The following PCDHA12 variants were observed in gnomAD, a reference collection of about 807,000 sequenced individuals.
PCDHA12 encodes protocadherin alpha-12.
In PCDHA12, 44 loss-of-function variants were observed where a neutral mutation model predicts 60.0. The ratio of observed to expected loss-of-function variants is 0.73; its 90% CI spans 0.58 to 0.94. The LOEUF (loss-of-function observed/expected upper bound fraction) is 0.94. PCDHA12 is among the 40% of genes least tolerant of loss of function. The pLI is 0.00. For missense variants in PCDHA12, 1,276 were observed against 1,239.7 expected (o/e 1.03, Z -0.44); for synonymous variants, 569 against 553.0 (o/e 1.03, Z -0.40).
At chr5:140,879,190 C>T (rs2057894732) in intron 1 of PCDHA12, among the ~76,000 whole-genome samples, 1 of 152,052 alleles carries the variant, frequency 6.6e-6, no homozygotes. Context: ...GTAATGGAGA[C>T]TTAAATTATG....
chr5:140,917,741 C>G (rs2078335946), intron 1 of PCDHA12, among the ~76,000 whole-genome samples: 1 of 152,048 alleles, frequency 6.6e-6, no homozygotes, highest in Non-Finnish European at 1.5e-5. Flanking sequence ...CTAACCTGTC[C>G]CATTGGTCTA....
Position 140,893,497 on chromosome 5 carries a change from GA to G in PCDHA12, c.2367+15667del, listed in dbSNP as rs1157700367. Among the ~76,000 whole-genome samples the G allele has an allele frequency of 3.1e-4, 47 of 150,168 alleles. No individual in the cohort carries two copies. The Middle Eastern group carries it at 0.01, about 33-fold the overall frequency. ...GCAAGACCCTGTTCTTCACAAAAAAGAAAAAAAAAGCAGTTGTAGAACTCCT... is the reference window on the plus strand; with the variant it reads ...GCAAGACCCTGTTCTTCACAAAAAAGAAAAAAAAGCAGTTGTAGAACTCCT... On this transcript the variant is annotated intron_variant, in intron 1 of 3. Transcript: ENST00000398631.
At chr5:140,937,302 G>T (rs1554211521) in intron 1 of PCDHA12, among the ~76,000 whole-genome samples, 4 of 152,094 alleles carry the variant, frequency 2.6e-5, no homozygotes, top group African/African-American at 9.7e-5. Flanking sequence ...CTCCCAAAGT[G>T]CTGGGATTAC....
chr5:140,908,967 G>A (rs1039870615), intron 1 of PCDHA12, among the ~76,000 whole-genome samples: 10 of 152,076 alleles, frequency 6.6e-5, no homozygotes, highest in African/African-American at 2.4e-4. Context: ...ATCTTGATAG[G>A]CCCCACTCCA....
At chr5:140,904,642 C>G (rs1257685945) in intron 1 of PCDHA12, among the ~76,000 whole-genome samples, 2 of 152,132 alleles carry the variant, frequency 1.3e-5, no homozygotes, top group Non-Finnish European at 2.9e-5. Context: ...AATCTCCACA[C>G]TGTTTTCCAT....
chr5:140,953,075 A>G (rs1208986278), intron 1 of PCDHA12, among the ~76,000 whole-genome samples: 4 of 152,190 alleles, frequency 2.6e-5, no homozygotes, highest in Admixed American at 2.6e-4. Context: ...CATCTCCAAC[A>G]TTGGGGATTA....
chr5:140,908,430 C>T (rs543426512), intron 1 of PCDHA12, among the ~76,000 whole-genome samples: 56 of 152,262 alleles, frequency 3.7e-4, no homozygotes, highest in Admixed American at 7.2e-4. Flanking sequence ...TGCTGCTGTG[C>T]GCACCCCACT....
At chr5:140,918,940 A>C (rs541337613) in intron 1 of PCDHA12, among the ~76,000 whole-genome samples, 51 of 152,328 alleles carry the variant, frequency 3.3e-4, no homozygotes, top group African/African-American at 1.2e-3. Flanking sequence ...TTTTGTTATA[A>C]TATCCTGAAC....
At chr5:140,938,204 C>T (rs2091973590) in intron 1 of PCDHA12, among the ~76,000 whole-genome samples, 1 of 152,136 alleles carries the variant, frequency 6.6e-6, no homozygotes, top group East Asian at 1.9e-4. Flanking sequence ...CGCCAGCCTC[C>T]CAAAGTGCTG....
Position 140,882,813 on chromosome 5 carries a change from C to A in PCDHA12, c.2367+4974C>A, listed in dbSNP as rs782169035. 2 of 1,614,058 alleles carry A rather than the reference C, an allele frequency of 1.2e-6. No individual in the cohort carries two copies. The highest frequency in any genetic ancestry group is 3.3e-5 in the Admixed American group (2 of 60,002). On this transcript the variant is annotated intron_variant, in intron 1 of 3. Transcript: ENST00000398631. ...CCCAACGATTATTTCACTTTGGACG[C>A]ACAAAACAGTCTTGAGCAAATGTCT...
intron 1 of PCDHA12, among the ~76,000 whole-genome samples, chr5:140,925,742 AAG>A (rs1403200881): frequency 2.0e-5 from 3 of 151,862 alleles, no homozygotes; most frequent in South Asian, 4.2e-4. Context: ...TATTTACAGA[AAG>A]AAAATTTACA....
At chr5:140,908,911 T>C (rs535661545) in intron 1 of PCDHA12, among the ~76,000 whole-genome samples, 1 of 152,300 alleles carries the variant, frequency 6.6e-6, no homozygotes, top group South Asian at 2.1e-4. Flanking sequence ...TTCGTGGTTG[T>C]AGGAGGGGCC....
chr5:140,904,522 C>T (rs1241157884), intron 1 of PCDHA12, among the ~76,000 whole-genome samples: 1 of 151,956 alleles, frequency 6.6e-6, no homozygotes, highest in Admixed American at 6.6e-5. Flanking sequence ...CTGCTATAAA[C>T]TTGTGTGTTC....
intron 1 of PCDHA12, among the ~76,000 whole-genome samples, chr5:140,878,613 C>T (rs1413546987): frequency 1.3e-5 from 2 of 152,184 alleles, no homozygotes; most frequent in Admixed American, 6.5e-5. Context: ...TTCTAATGTG[C>T]ATTTTACATA....
chr5:140,925,033 C>G (rs1176042899), intron 1 of PCDHA12, among the ~76,000 whole-genome samples: 1 of 151,334 alleles, frequency 6.6e-6, no homozygotes, highest in Non-Finnish European at 1.5e-5. Flanking sequence ...ATCGCTTGAG[C>G]CCAGAAGTTT....
chr5:140,901,695 T>G (rs1554189992), intron 1 of PCDHA12, among the ~76,000 whole-genome samples: 1 of 152,216 alleles, frequency 6.6e-6, no homozygotes, highest in Non-Finnish European at 1.5e-5. Context: ...TATTTTGTAG[T>G]TCTATATACA....
intron 1 of PCDHA12, among the ~76,000 whole-genome samples, chr5:140,906,048 C>A (rs1482228569): frequency 1.3e-5 from 2 of 152,170 alleles, no homozygotes; most frequent in South Asian, 2.1e-4. Context: ...TTTATTCTGG[C>A]TGCACTGGCA....
chr5:141,000,367 C>G (rs1158701279), intron 3 of PCDHA12, among the ~76,000 whole-genome samples: 1 of 18,506 alleles, frequency 5.4e-5, no homozygotes, highest in Admixed American at 6.5e-4. Flanking sequence ...CTCTGTCTCT[C>G]TCTCTCTCTC....
chr5:140,882,375 C>T (rs879994353), intron 1 of PCDHA12: 1 of 1,614,212 alleles, frequency 6.2e-7, no homozygotes, highest in Non-Finnish European at 8.5e-7. Context: ...TACTCCGTCC[C>T]CGAGGAAGCA....
Sources: gnomAD v4.1 joint callset for allele counts (sites outside exome capture counted in the v4.1 genomes callset) on GRCh38, gnomAD v4.1.1 for gene constraint, MANE v1.5 for transcripts, NCBI Gene and HGNC (gene_info 2026-07-23, HGNC 2026-07-21) for gene names.